The following COL21A1 variants were observed in gnomAD, a reference collection of about 807,000 sequenced individuals.
COL21A1 encodes collagen type XXI alpha 1 chain, also known as collagen alpha-1(XXI) chain.
A neutral mutation model predicts 137.9 loss-of-function variants in COL21A1; 149 were observed. The ratio of observed to expected loss-of-function variants is 1.08; its 90% CI spans 0.95 to 1.24. The LOEUF (loss-of-function observed/expected upper bound fraction) is 1.24. COL21A1 is among the 50% of genes most tolerant of loss of function. The pLI, the probability that COL21A1 is intolerant of heterozygous loss-of-function variation, is 0.00. For synonymous variants in COL21A1, 456 were observed against 391.5 expected (o/e 1.16, Z -1.95); for missense variants, 1,167 against 1,158.4 (o/e 1.01, Z -0.11).
chr6:56,331,596 G>A (rs1294789267), intron 1 of COL21A1, among the ~76,000 whole-genome samples: 1 of 151,868 alleles, frequency 6.6e-6, no homozygotes, highest in African/African-American at 2.4e-5. Flanking sequence ...GTATGTATGT[G>A]GCTTTATTTC....
chr6:56,096,457 T>A (rs1316605558), intron 17 of COL21A1, among the ~76,000 whole-genome samples: 1 of 152,242 alleles, frequency 6.6e-6, no homozygotes, highest in Non-Finnish European at 1.5e-5. Context: ...TAAATCTATC[T>A]GGTGTTAGAC....
At chr6:56,272,080 C>T (rs1465705853) in intron 1 of COL21A1, among the ~76,000 whole-genome samples, 1 of 152,154 alleles carries the variant, frequency 6.6e-6, no homozygotes, top group Non-Finnish European at 1.5e-5. Flanking sequence ...GAACTGCCTA[C>T]TGGAGCTGTG....
intron 1 of COL21A1, among the ~76,000 whole-genome samples, chr6:56,291,080 C>T (rs1764030089): frequency 6.6e-6 from 1 of 152,086 alleles, no homozygotes; most frequent in Non-Finnish European, 1.5e-5. Context: ...CTGCATCACT[C>T]AGGGTCAAGG....
chr6:56,144,007 A>G (rs1388065342), intron 10 of COL21A1, among the ~76,000 whole-genome samples: 1 of 152,222 alleles, frequency 6.6e-6, no homozygotes, highest in African/African-American at 2.4e-5. Context: ...CTCAAAAGTA[A>G]GAAGAAATTC....
chr6:56,271,969 A>G (rs952003496), intron 1 of COL21A1, among the ~76,000 whole-genome samples: 1 of 152,258 alleles, frequency 6.6e-6, no homozygotes, highest in Non-Finnish European at 1.5e-5. Context: ...TGATCCAGGC[A>G]GAAGTCTGCT....
chr6:56,233,381 T>C (rs1781705432), intron 1 of COL21A1, among the ~76,000 whole-genome samples: 1 of 151,708 alleles, frequency 6.6e-6, no homozygotes, highest in Non-Finnish European at 1.5e-5. Context: ...ATAGAAACAG[T>C]TAATAACAGT....
At chr6:56,148,338 C>CAGAGAG (rs150898619) in intron 10 of COL21A1, among the ~76,000 whole-genome samples, 22,010 of 133,158 alleles carry the variant, frequency 0.17, 2,244 homozygotes, top group South Asian at 0.24. Flanking sequence ...AGACAAGAGA[C>CAGAGAG]AGAGAGAGAG....
At chr6:56,129,457 A>T (rs1410068241) in intron 12 of COL21A1, among the ~76,000 whole-genome samples, 1 of 152,228 alleles carries the variant, frequency 6.6e-6, no homozygotes, top group East Asian at 1.9e-4. Context: ...ACAACCAATT[A>T]TATGAGAAAA....
At chr6:56,250,319 T>C (rs1359205573), upstream of COL21A1, among the ~76,000 whole-genome samples, 1 of 152,218 alleles carries the variant, frequency 6.6e-6, no homozygotes, top group African/African-American at 2.4e-5. Context: ...TTTGATCTGA[T>C]CACCTGAACC....
At chr6:56,319,145 C>G (rs973307055) in intron 1 of COL21A1, among the ~76,000 whole-genome samples, 1 of 152,126 alleles carries the variant, frequency 6.6e-6, no homozygotes, top group African/African-American at 2.4e-5. Flanking sequence ...CTTTACTTTT[C>G]CTAACCTGTT....
At chr6:56,190,460 AC>A (rs1164324600) in intron 1 of COL21A1, among the ~76,000 whole-genome samples, 5 of 152,214 alleles carry the variant, frequency 3.3e-5, no homozygotes, top group East Asian at 3.8e-4. Flanking sequence ...TAGCCTACCA[AC>A]CAAAAAAGTC....
intron 1 of COL21A1, among the ~76,000 whole-genome samples, chr6:56,189,215 C>G (rs1308915395): frequency 6.6e-6 from 1 of 151,578 alleles, no homozygotes; most frequent in African/African-American, 2.4e-5. Flanking sequence ...AAGCTAAGAA[C>G]CTTGAAAAAA....
At chr6:56,217,071 T>TACTAATTA (rs1780530623) in intron 1 of COL21A1, among the ~76,000 whole-genome samples, 1 of 152,036 alleles carries the variant, frequency 6.6e-6, no homozygotes, top group Admixed American at 6.6e-5. Context: ...ACTTTTAAGG[T>TACTAATTA]GTAGAGTTTG....
At chr6:56,123,588 A>G (rs934643065) in intron 16 of COL21A1, among the ~76,000 whole-genome samples, 19 of 152,282 alleles carry the variant, frequency 1.2e-4, no homozygotes, top group African/African-American at 4.1e-4. Context: ...TAAGAATATG[A>G]TGGTGCTAAT....
chr6:56,339,392 T>C (rs1174895372), intron 1 of COL21A1, among the ~76,000 whole-genome samples: 7 of 152,230 alleles, frequency 4.6e-5, no homozygotes, highest in Non-Finnish European at 7.3e-5. Flanking sequence ...ACTACCCTTA[T>C]TATTTTGCTA....
At chr6:56,314,119 G>A (rs919572115) in intron 1 of COL21A1, among the ~76,000 whole-genome samples, 2 of 152,018 alleles carry the variant, frequency 1.3e-5, no homozygotes, top group African/African-American at 4.8e-5. Flanking sequence ...CAAGTAGCTG[G>A]GACTACAGGC....
chr6:56,139,663 T>C (rs1774270196), intron 12 of COL21A1, among the ~76,000 whole-genome samples: 1 of 152,206 alleles, frequency 6.6e-6, no homozygotes, highest in African/African-American at 2.4e-5. Context: ...TTTTTTAGCT[T>C]TTTTACCCCT....
At chr6:56,351,133 C>A (rs1464976143) in intron 1 of COL21A1, among the ~76,000 whole-genome samples, 1 of 152,220 alleles carries the variant, frequency 6.6e-6, no homozygotes, top group African/African-American at 2.4e-5. Context: ...AGGCTCTAAG[C>A]AAATAATAAG....
At chr6:56,336,625 T>G (rs545512026) in intron 1 of COL21A1, among the ~76,000 whole-genome samples, 3 of 152,222 alleles carry the variant, frequency 2.0e-5, no homozygotes, top group Non-Finnish European at 4.4e-5. Flanking sequence ...AGTGAATTAC[T>G]GAAGAACACA....
Sources: gnomAD v4.1 joint callset for allele counts (sites outside exome capture counted in the v4.1 genomes callset) on GRCh38, gnomAD v4.1.1 for gene constraint, MANE v1.5 for transcripts, NCBI Gene and HGNC (gene_info 2026-07-23, HGNC 2026-07-21) for gene names.